Variants in RPL23A observed in about 807,000 individuals in gnomAD.
RPL23A encodes the protein ribosomal protein L23a.
A neutral mutation model predicts 17.6 loss-of-function variants in RPL23A; 2 were observed. That is an observed-to-expected ratio of 0.11 (90% CI 0.05 to 0.36). The LOEUF is 0.36. Among genes scored for constraint, RPL23A ranks in the 10% least tolerant of loss-of-function variants. The probability of loss-of-function intolerance (pLI) is 1.00; values close to 1 mark genes in which losing one functional copy is unlikely to be tolerated. For missense variants in RPL23A, 132 were observed against 194.4 expected, an observed-to-expected ratio of 0.68 and a Z score of 1.91; for synonymous variants, 65 against 74.3, an observed-to-expected ratio of 0.87 and a Z score of 0.65.
rs375194558 is a variant in RPL23A at position 28,720,023 on chromosome 17, G to A, written c.18G>A (p.Lys6=). 9 of 1,551,810 alleles carry A rather than the reference G, an allele frequency of 5.8e-6. No homozygotes were observed. The African/African-American group carries it at 1.1e-4, about 19-fold the overall frequency. The change falls in exon 1 of 5, where the codon AAG becomes AAA. Residue 6 remains lysine, a synonymous_variant. Coordinates refer to ENST00000422514, the MANE Select transcript of RPL23A (RefSeq NM_000984.6). MAPKA[K]KEAPAPPKAE... is the part of the protein sequence containing the mutation. ...TTCACAAGATGGCGCCGAAAGCGAA[G>A]AAGGAAGGTGTGTGTTGGTGATGGG...
intron 2 of RPL23A, chr17:28,722,263 A>AAG (rs897723642): frequency 6.7e-5 from 14 of 210,368 alleles, no homozygotes; most frequent in African/African-American, 2.4e-4. Context: ...AAAAAAAAAA[A>AAG]GGAATTTGCC....
intron 1 of RPL23A, 191 bp from the exon 2 acceptor site, chr17:28,720,516 T>TAA (rs1445505971): frequency 6.6e-7 from 1 of 1,521,374 alleles, no homozygotes; most frequent in African/African-American, 1.4e-5. Flanking sequence ...ATCCCTGGAG[T>TAA]TACTTAGAGT....
Position 28,723,563 on chromosome 17 carries a change from T to C in RPL23A, c.387-8T>C, listed in dbSNP as rs2034155112. The C allele has an allele frequency of 6.2e-7, 1 of 1,612,032 alleles. No individual in the cohort carries two copies. The highest frequency in any genetic ancestry group is 8.5e-7 in the Non-Finnish European group (1 of 1,178,116). ...TGGCAGGGACTAAGGCTTCCTTCTC[T>C]ACCCTAGGCCTGATGGAGAGAAGAA... On this transcript the variant is annotated splice_polypyrimidine_tract_variant and splice_region_variant and intron_variant, in intron 3 of 4. Transcript: ENST00000422514.
At chr17:28,720,141 G>T in intron 1 of RPL23A, 111 bp downstream of exon 1, 1 of 1,528,056 alleles carries the variant, frequency 6.5e-7, no homozygotes, top group Non-Finnish European at 8.9e-7. Flanking sequence ...CTGCTCCGGG[G>T]CTGCTCCCTG....
At chr17:28,723,759 C>A (rs368969871) in intron 4 of RPL23A, 108 bp from the exon 5 acceptor site, 2 of 1,360,980 alleles carry the variant, frequency 1.5e-6, no homozygotes, top group Non-Finnish European at 2.1e-6. Flanking sequence ...GCACCCCTAT[C>A]CTTGACAAAC....
chr17:28,720,291 C>G, intron 1 of RPL23A: 1 of 1,549,556 alleles, frequency 6.5e-7, no homozygotes, highest in Non-Finnish European at 8.7e-7. Flanking sequence ...TGGGAAGCTA[C>G]ATGCATCCAC....
intron 3 of RPL23A, chr17:28,723,305 C>T (rs2034149245): frequency 1.6e-6 from 1 of 631,996 alleles, no homozygotes; most frequent in Non-Finnish European, 2.9e-6. Flanking sequence ...TTTTCTGGGT[C>T]CCTACTTCTA....
rs1033178216 is a variant in RPL23A at position 28,724,292 on chromosome 17, T to C, written c.*411T>C. On this transcript the variant is annotated 3_prime_UTR_variant, in exon 5 of 5. Coordinates refer to ENST00000422514, the MANE Select transcript of RPL23A (RefSeq NM_000984.6). ...ATTTTGTCCTCACACACCCATCTACTATGTCCAACCGGTCTGTCTGCTTCC... is the reference window on the plus strand; with the variant it reads ...ATTTTGTCCTCACACACCCATCTACCATGTCCAACCGGTCTGTCTGCTTCC... The C allele has an allele frequency of 3.1e-6, 2 of 655,232 alleles. No individual in the cohort carries two copies. The highest frequency in any genetic ancestry group is 5.3e-6 in the Non-Finnish European group (2 of 379,100). 40.6% of individuals were successfully genotyped at this position (655,232 alleles called of 1,614,324 possible).
chr17:28,722,312 C>G, intron 2 of RPL23A: 1 of 302,488 alleles, frequency 3.3e-6, no homozygotes, highest in South Asian at 2.9e-5. Flanking sequence ...TTGAGTAGCT[C>G]GGACTACAGG....
At chr17:28,720,289 T>C in intron 1 of RPL23A, 1 of 1,549,426 alleles carries the variant, frequency 6.5e-7, no homozygotes, top group Non-Finnish European at 8.7e-7. Flanking sequence ...TCTGGGAAGC[T>C]ACATGCATCC....
chr17:28,723,734 C>G (rs1272872800), intron 4 of RPL23A, 94 bp downstream of exon 4: 2 of 1,383,204 alleles, frequency 1.4e-6, no homozygotes, highest in Non-Finnish European at 1.0e-6. Flanking sequence ...GCTGATTAGT[C>G]ATAATTAACT....
In RPL23A at chr17:28,719,988, G is replaced by A. The variant is rs376842436; in HGVS notation, c.-18G>A. 2.2e-4 allele frequency: 342 copies of A among 1,551,844 alleles called. No homozygotes were observed. Among genetic ancestry groups the A allele is most frequent in the Middle Eastern group, 5.0e-4 (3 of 5,982 alleles). On this transcript the variant is annotated 5_prime_UTR_variant, in exon 1 of 5. Coordinates refer to ENST00000422514, the MANE Select transcript of RPL23A (RefSeq NM_000984.6). ...CTATAAGCCCGTGGGAACGAGCATT[G>A]GAGACCCTTTTCACAAGATGGCGCC...
Position 28,720,689 on chromosome 17 carries a change from TC to T in RPL23A, c.26-17del. ...ATTTCTAAATCCCGCACCCACGTTT[TC>T]TTTCCTTTTCTCCCAGCTCCTGCCC... On this transcript the variant is annotated splice_polypyrimidine_tract_variant and intron_variant, in intron 1 of 4. Coordinates refer to ENST00000422514, the MANE Select transcript of RPL23A (RefSeq NM_000984.6). The T allele has an allele frequency of 6.2e-7, 1 of 1,614,056 alleles. No individual in the cohort carries two copies. Among genetic ancestry groups the T allele is most frequent in the South Asian group, 1.1e-5 (1 of 91,080 alleles).
chr17:28,723,652 T>G lies in RPL23A; in HGVS notation c.456+12T>G, dbSNP rs1412246871. The G allele has an allele frequency of 1.9e-6, 3 of 1,612,440 alleles. No individual in the cohort carries two copies. In the African/African-American group the frequency reaches 4.0e-5, roughly 22 times the overall value. ...ATGTTGCCAACAAAGTAAGTTTCCT[T>G]CCTACAAACCCCTTAATGCTCACCC... On this transcript the variant is annotated intron_variant, in intron 4 of 4. Transcript: ENST00000422514.
At chr17:28,723,816 C>T (rs373429773) in intron 4 of RPL23A, 51 bp from the exon 5 acceptor site, 213 of 1,560,088 alleles carry the variant, frequency 1.4e-4, no homozygotes, top group Non-Finnish European at 1.3e-4. Flanking sequence ...AACATTCCAG[C>T]TTAATCTTCA....
At chr17:28,722,558 G>A (rs1217637612) in intron 2 of RPL23A, 165 bp from the exon 3 acceptor site, 1 of 775,040 alleles carries the variant, frequency 1.3e-6, no homozygotes, top group South Asian at 1.4e-5. Flanking sequence ...CCTGGGATTG[G>A]GGCTTCAGGC....
rs146901849 is a variant in RPL23A at position 28,723,695 on chromosome 17, CAT to C, written c.456+58_456+59del. On this transcript the variant is annotated intron_variant, in intron 4 of 4. Transcript: ENST00000422514. ...GCTCACCCCTTGGGTGCAAATGATG[CAT>C]ATGTTAGCGACCAAAGCCTGATCTT... is the stretch of plus-strand genomic sequence containing the variant. The C allele has an allele frequency of 9.3e-3, 14,176 of 1,519,108 alleles. 121 individuals carry two copies. Among genetic ancestry groups the C allele is most frequent in the Non-Finnish European group, 0.01 (11,180 of 1,093,380 alleles). The allele number at this position is 1,519,108 out of a possible 1,614,324, so 94.1% of individuals were successfully genotyped here. A position where few individuals can be genotyped will look rare whatever the true frequency, so the allele number is the denominator to read the frequency against.
intron 3 of RPL23A, chr17:28,723,343 G>T: frequency 1.4e-6 from 1 of 734,796 alleles, no homozygotes; most frequent in South Asian, 1.4e-5. Context: ...AGTGCGACAC[G>T]TGGCAGATTA....
At chr17:28,720,474 G>A (rs775400652) in intron 1 of RPL23A, 2 of 1,596,142 alleles carry the variant, frequency 1.3e-6, no homozygotes, top group East Asian at 2.2e-5. Context: ...AGTATCAAGC[G>A]TTCATTCAGT....
Sources: allele counts gnomAD v4.1 joint callset, GRCh38; gene constraint gnomAD v4.1.1; transcripts MANE v1.5; gene names NCBI Gene and HGNC (gene_info 2026-07-23, HGNC 2026-07-21).